The following KDSR variants were observed in gnomAD, a reference collection of about 807,000 sequenced individuals.
KDSR encodes 3-dehydrosphinganine reductase.
A neutral mutation model predicts 41.3 loss-of-function variants in KDSR; 23 were observed. The ratio of observed to expected loss-of-function variants is 0.56; its 90% CI spans 0.40 to 0.79. The LOEUF (loss-of-function observed/expected upper bound fraction) is 0.79. Among genes scored for constraint, KDSR ranks in the 30% least tolerant of loss-of-function variants. The probability of loss-of-function intolerance (pLI) is 0.00; values close to 1 mark genes in which losing one functional copy is unlikely to be tolerated. For missense variants in KDSR, 351 were observed against 416.8 expected (o/e 0.84, Z 1.37); for synonymous variants, 138 against 151.7 (o/e 0.91, Z 0.66).
chr18:63,364,609 A>G (rs916123066), intron 1 of KDSR, among the ~76,000 whole-genome samples: 2 of 151,858 alleles, frequency 1.3e-5, no homozygotes, highest in Non-Finnish European at 2.9e-5. Context: ...ACGCCCAACT[A>G]ATTTTTGTAT....
At position 63,329,646 on chromosome 18, in the gene KDSR, A is replaced by C. The variant is rs369907347; in HGVS notation, c.*2136T>G. 6.3e-4 allele frequency: 125 copies of C among 197,268 alleles called. 1 individual carries two copies. The highest frequency in any genetic ancestry group is 2.6e-3 in the African/African-American group (111 of 43,428). The allele number at this position is 197,268 out of a possible 1,614,324, so 12.2% of individuals were successfully genotyped here. A position where few individuals can be genotyped will look rare whatever the true frequency, so the allele number is the denominator to read the frequency against. The stretch of plus-strand genomic sequence containing the variant: ...CAGGGGCTCTCAACAGGTGCTCTTA[A>C]ATTTATTCGGGTAGTAGATTACCAT... On this transcript the variant is annotated 3_prime_UTR_variant, in exon 10 of 10. Coordinates refer to ENST00000645214, the MANE Select transcript of KDSR (RefSeq NM_002035.4).
chr18:63,334,797 T>G (rs1914109147), intron 9 of KDSR, among the ~76,000 whole-genome samples: 1 of 152,218 alleles, frequency 6.6e-6, no homozygotes, highest in Admixed American at 6.5e-5. Flanking sequence ...ATACATTCTA[T>G]AAGCGAAGCA....
At chr18:63,356,294 G>A (rs1914790958) in intron 3 of KDSR, among the ~76,000 whole-genome samples, 1 of 151,994 alleles carries the variant, frequency 6.6e-6, no homozygotes, top group East Asian at 1.9e-4. Flanking sequence ...AGCTACTCAG[G>A]AGACTGAGGC....
chr18:63,334,215 A>G (rs181757922), intron 9 of KDSR, among the ~76,000 whole-genome samples: 1 of 152,338 alleles, frequency 6.6e-6, no homozygotes, highest in Non-Finnish European at 1.5e-5. Context: ...AAGAAAACCA[A>G]CAACTAAGTC....
Position 63,328,993 on chromosome 18 carries a change from G to T in KDSR, c.*2789C>A, listed in dbSNP as rs1913893659. 1 of 196,500 alleles carries T rather than the reference G, an allele frequency of 5.1e-6. No homozygotes were observed. The highest frequency in any genetic ancestry group is 1.9e-4 in the South Asian group (1 of 5,196). 12.2% of individuals were successfully genotyped at this position (196,500 alleles called of 1,614,324 possible). ...TTACGCACTTCTGGGTCCAATAGAA[G>T]GTGTTGAATCAATGTGATCCTTTAA... On this transcript the variant is annotated 3_prime_UTR_variant, in exon 10 of 10. Coordinates refer to ENST00000645214, the MANE Select transcript of KDSR (RefSeq NM_002035.4).
chr18:63,342,944 C>CTGGTTGTTTAAAACAACGTGA (rs1412551496), intron 7 of KDSR, among the ~76,000 whole-genome samples: 3 of 152,128 alleles, frequency 2.0e-5, no homozygotes, highest in Non-Finnish European at 4.4e-5. Context: ...TGAGTGAGTT[C>CTGGTTGTTTAAAACAACGTGA]TCACGAGATC....
At chr18:63,343,363 A>AATTTTT (rs1914401120) in intron 7 of KDSR, among the ~76,000 whole-genome samples, 1 of 149,174 alleles carries the variant, frequency 6.7e-6, no homozygotes, top group East Asian at 2.0e-4. Flanking sequence ...GCTGGCCTTA[A>AATTTTT]ATTTTTATTT....
At chr18:63,361,209 CAAAAAAAAA>C (rs71162630) in intron 2 of KDSR, among the ~76,000 whole-genome samples, 4 of 15,512 alleles carry the variant, frequency 2.6e-4, no homozygotes, top group East Asian at 2.2e-3. Flanking sequence ...AACTCCGTCT[CAAAAAAAAA>C]AAAAAAAAAA....
chr18:63,329,249 T>C lies in KDSR; in HGVS notation c.*2533A>G, dbSNP rs1913901292. On this transcript the variant is annotated 3_prime_UTR_variant, in exon 10 of 10. Transcript: ENST00000645214. The stretch of plus-strand genomic sequence containing the variant: ...GCTGGATGTGTTTCAGAATTCATAA[T>C]CTTTGGGGTTTTAAAAAGGCAATAT... 4.8e-6 allele frequency: 1 copy of C among 209,942 alleles called. No individual in the cohort carries two copies. The highest frequency in any genetic ancestry group is 9.7e-6 in the Non-Finnish European group (1 of 103,312). 13.0% of individuals were successfully genotyped at this position (209,942 alleles called of 1,614,324 possible).
intron 1 of KDSR, among the ~76,000 whole-genome samples, chr18:63,365,609 G>T (rs1915113355): frequency 6.6e-6 from 1 of 152,216 alleles, no homozygotes; most frequent in Non-Finnish European, 1.5e-5. Context: ...TGGAAGGACT[G>T]GAGTCAAGGC....
chr18:63,364,127 C>T (rs1386748482), intron 1 of KDSR, among the ~76,000 whole-genome samples: 2 of 152,180 alleles, frequency 1.3e-5, no homozygotes, highest in Non-Finnish European at 2.9e-5. Flanking sequence ...CTTCTCCCCA[C>T]TTCATCTGAC....
intron 4 of KDSR, 67 bp downstream of exon 4, chr18:63,355,431 A>T: frequency 6.2e-7 from 1 of 1,611,884 alleles, no homozygotes; most frequent in East Asian, 2.2e-5. Flanking sequence ...CAAGCCACAT[A>T]GCAAAATGGC....
At chr18:63,333,513 G>A (rs1008621619) in intron 9 of KDSR, among the ~76,000 whole-genome samples, 3 of 152,144 alleles carry the variant, frequency 2.0e-5, no homozygotes, top group South Asian at 2.1e-4. Context: ...ACGCATCCAG[G>A]GGGCCTGAGC....
Position 63,367,182 on chromosome 18 carries a change from T to C in KDSR, c.-64A>G. 1 of 871,032 alleles carries C rather than the reference T, an allele frequency of 1.1e-6. No individual in the cohort carries two copies. Among genetic ancestry groups the C allele is most frequent in the Non-Finnish European group, 1.5e-6 (1 of 654,070 alleles). 54.0% of individuals were successfully genotyped at this position (871,032 alleles called of 1,614,324 possible). On this transcript the variant is annotated 5_prime_UTR_variant, in exon 1 of 10. Transcript: ENST00000645214. ...GGCCGCCGGGCAAGGCGCGCAGGGCTGGGCTGCGGCGAGGCGAGAATCACG... is the reference window on the plus strand; with the variant it reads ...GGCCGCCGGGCAAGGCGCGCAGGGCCGGGCTGCGGCGAGGCGAGAATCACG...
In KDSR at chr18:63,329,064, CT is replaced by C; in HGVS notation, c.*2717del. 1.5e-5 allele frequency: 3 copies of C among 197,868 alleles called. No individual in the cohort carries two copies. The highest frequency in any genetic ancestry group is 2.3e-5 in the African/African-American group (1 of 43,420). The allele number at this position is 197,868 out of a possible 1,614,324, so 12.3% of individuals were successfully genotyped here. On this transcript the variant is annotated 3_prime_UTR_variant, in exon 10 of 10. Transcript: ENST00000645214. Reference sequence around the variant, plus strand: ...GTAACAATCACACTCAGGGTTGGTTCTTTTTTTCTTCCCCCAGCAGAAAAAC... The same window carrying C: ...GTAACAATCACACTCAGGGTTGGTTCTTTTTTCTTCCCCCAGCAGAAAAAC...
chr18:63,347,893 C>T (rs1167849912), intron 6 of KDSR, among the ~76,000 whole-genome samples: 1 of 151,966 alleles, frequency 6.6e-6, no homozygotes, highest in Non-Finnish European at 1.5e-5. Flanking sequence ...TAAAATTACT[C>T]ATAGTACCCT....
At chr18:63,355,826 G>T (rs960758891) in intron 3 of KDSR, among the ~76,000 whole-genome samples, 10 of 152,190 alleles carry the variant, frequency 6.6e-5, no homozygotes, top group African/African-American at 2.4e-4. Context: ...AGGCAGATCA[G>T]GGGTTGCCCA....
rs746022711 is a variant in KDSR, at chr18:63,362,774, C to A, written c.198+5G>T. ...AGTCAGTAATAATGAACCTAGAAGC[C>A]TTACCTCATTTCGTGCAACCAGAGT... On this transcript the variant is annotated splice_donor_5th_base_variant and intron_variant, in intron 2 of 9. Transcript: ENST00000645214. 2.5e-6 allele frequency: 4 copies of A among 1,599,590 alleles called. No individual in the cohort carries two copies. The highest frequency in any genetic ancestry group is 3.4e-6 in the Non-Finnish European group (4 of 1,167,234).
At chr18:63,339,713 CT>C (rs1164974490) in intron 7 of KDSR, among the ~76,000 whole-genome samples, 1 of 152,116 alleles carries the variant, frequency 6.6e-6, no homozygotes, top group African/African-American at 2.4e-5. Context: ...TGGGCAGGGC[CT>C]TTTTTGTAAG....
Sources: allele counts gnomAD v4.1 joint callset (sites outside exome capture counted in the v4.1 genomes callset), GRCh38; gene constraint gnomAD v4.1.1; transcripts MANE v1.5; gene names NCBI Gene and HGNC (gene_info 2026-07-23, HGNC 2026-07-21).